HLCS: variants seen among roughly 807,000 people sequenced by gnomAD.
HLCS encodes holocarboxylase synthetase.
Under a neutral mutation model 75.0 loss-of-function variants are expected in HLCS, and 53 were observed. The ratio of observed to expected loss-of-function variants is 0.71; its 90% CI spans 0.57 to 0.89. The LOEUF (loss-of-function observed/expected upper bound fraction) is 0.89. Ranked by LOEUF, HLCS falls within the 40% of genes least tolerant of loss-of-function variation. HLCS has a pLI of 0.00. For missense variants in HLCS, 966 were observed against 1,074.0 expected (o/e 0.90, Z 1.41); for synonymous variants, 431 against 428.6 (o/e 1.01, Z -0.07).
rs1286902356 is a variant in HLCS, at chr21:36,753,994, G to A, written c.*252C>T. The stretch of plus-strand genomic sequence containing the variant: ...TAAACGTAAGTCCAAGCCACAGAGG[G>A]GAGAGCAATTTCCCACCTGTGGGAG... On this transcript the variant is annotated 3_prime_UTR_variant, in exon 11 of 11. Transcript: ENST00000674895. This position sits in a 1 kb window ranked among gnomAD's most constrained non-coding sequence, Gnocchi z 4.3. 2.5e-5 allele frequency: 14 copies of A among 562,114 alleles called. No homozygotes were observed. The Admixed American group carries it at 4.3e-4, about 17-fold the overall frequency. The allele number at this position is 562,114 out of a possible 1,614,324, so 34.8% of individuals were successfully genotyped here.
intron 5 of HLCS, among the ~76,000 whole-genome samples, chr21:36,910,540 T>C (rs2065657200): frequency 1.5e-5 from 2 of 135,814 alleles, no homozygotes; most frequent in Non-Finnish European, 3.3e-5. Flanking sequence ...GGCAAGACTC[T>C]GTATGGAAAA....
At chr21:36,762,791 A>G (rs573679265) in intron 8 of HLCS, among the ~76,000 whole-genome samples, 1 of 152,338 alleles carries the variant, frequency 6.6e-6, no homozygotes, top group Non-Finnish European at 1.5e-5. Flanking sequence ...CGCTGAAGGC[A>G]AGCTTCCCAC....
rs1366215881 is a variant in HLCS at position 36,937,314 on chromosome 21, T to TTAA, written c.571_572insTTA (p.Pro190_Lys191insIle). On this transcript the variant is annotated inframe_insertion, in exon 4 of 11. Coordinates refer to ENST00000674895, the MANE Select transcript of HLCS (RefSeq NM_001352514.2). The stretch of plus-strand genomic sequence containing the variant: ...CTTAATCTCAAGAGAAGGTTCAGGC[T>TTAA]TCGGCTCTAGGATCTGGGCTTGCTT... 6.8e-6 allele frequency: 11 copies of TTAA among 1,614,036 alleles called. No individual in the cohort carries two copies. The highest frequency in any genetic ancestry group is 1.6e-4 in the Middle Eastern group (1 of 6,084).
intron 5 of HLCS, among the ~76,000 whole-genome samples, chr21:36,906,494 T>C (rs2065461397): frequency 6.6e-6 from 1 of 152,182 alleles, no homozygotes; most frequent in South Asian, 2.1e-4. Flanking sequence ...ATGGCACCAC[T>C]GCACTCCAGT....
At chr21:36,856,677 TAGAA>T (rs1569107157) in intron 6 of HLCS, among the ~76,000 whole-genome samples, 1 of 149,804 alleles carries the variant, frequency 6.7e-6, no homozygotes, top group African/African-American at 2.5e-5. Context: ...AAAAGAAAAA[TAGAA>T]GGAAGGAAAA....
chr21:36,901,838 G>A (rs1416264711), intron 5 of HLCS, among the ~76,000 whole-genome samples: 1 of 152,180 alleles, frequency 6.6e-6, no homozygotes, highest in Non-Finnish European at 1.5e-5. Flanking sequence ...TCCAGGGCTG[G>A]GGCTTTCACA....
intron 6 of HLCS, among the ~76,000 whole-genome samples, chr21:36,865,808 T>C (rs2063535204): frequency 6.6e-6 from 1 of 152,228 alleles, no homozygotes; most frequent in African/African-American, 2.4e-5. Context: ...TAATACACAG[T>C]AAGCAGGTGG....
chr21:36,806,802 T>C (rs555719423), intron 6 of HLCS, among the ~76,000 whole-genome samples: 8 of 152,244 alleles, frequency 5.3e-5, no homozygotes, highest in African/African-American at 1.9e-4. Flanking sequence ...AAACCCACGA[T>C]TTCCGTGTGC....
intron 6 of HLCS, among the ~76,000 whole-genome samples, chr21:36,847,418 A>C (rs1366886923): frequency 2.0e-5 from 3 of 152,260 alleles, no homozygotes; most frequent in Non-Finnish European, 2.9e-5. Context: ...TGGTGCCAGC[A>C]GCATCAGTAC....
intron 6 of HLCS, among the ~76,000 whole-genome samples, chr21:36,810,426 A>C (rs2061479254): frequency 6.6e-6 from 1 of 152,090 alleles, no homozygotes. Context: ...TCCCCTCTCC[A>C]GCCCTTTTCT....
intron 7 of HLCS, among the ~76,000 whole-genome samples, chr21:36,766,927 C>G (rs969932370): frequency 1.3e-5 from 2 of 152,138 alleles, no homozygotes; most frequent in African/African-American, 4.8e-5. Context: ...AGTGACGATC[C>G]CCAAATTGGA....
rs142003546 is a variant in HLCS at position 36,914,731 on chromosome 21, G to A, written c.1620+15520C>T. On this transcript the variant is annotated intron_variant, in intron 5 of 10. Coordinates refer to ENST00000674895, the MANE Select transcript of HLCS (RefSeq NM_001352514.2). ...AGAGAAAGCCAGGGTTGGCTCTAAC[G>A]GCGAGGGCGGCTCTATGGGGCAGCT... Among the ~76,000 whole-genome samples, 45 of 152,340 alleles carry A rather than the reference G, an allele frequency of 3.0e-4. 1 individual carries two copies. The East Asian group carries it at 6.6e-3, about 22-fold the overall frequency.
At position 36,760,127 on chromosome 21, in the gene HLCS, G is replaced by A. The variant is rs1397119997; in HGVS notation, c.2122-286C>T. ...AACCCTTTCTGAAGATGCTTACCTTGTAAATGAAGTTCATTATGTCAGTAT... is the reference window on the plus strand; with the variant it reads ...AACCCTTTCTGAAGATGCTTACCTTATAAATGAAGTTCATTATGTCAGTAT... On this transcript the variant is annotated intron_variant, in intron 8 of 10. Transcript: ENST00000674895. Among the ~76,000 whole-genome samples, 4 of 152,114 alleles carry A rather than the reference G, an allele frequency of 2.6e-5. No individual in the cohort carries two copies. In the South Asian group the frequency reaches 8.3e-4, roughly 32 times the overall value.
At chr21:36,946,965 G>A (rs1343998732) in intron 2 of HLCS, among the ~76,000 whole-genome samples, 1 of 152,186 alleles carries the variant, frequency 6.6e-6, no homozygotes, top group Non-Finnish European at 1.5e-5. Flanking sequence ...TCAGGAAGAT[G>A]AGAAGATAAA....
At chr21:36,778,821 G>C (rs774130213) in intron 6 of HLCS, among the ~76,000 whole-genome samples, 7 of 152,092 alleles carry the variant, frequency 4.6e-5, no homozygotes, top group Non-Finnish European at 7.4e-5. Context: ...GCAAGTGAAT[G>C]CTCCTTCAGT....
chr21:36,768,368 G>A (rs2090117166), intron 6 of HLCS, among the ~76,000 whole-genome samples: 1 of 152,190 alleles, frequency 6.6e-6, no homozygotes, highest in African/African-American at 2.4e-5. Flanking sequence ...GAAAGACCAC[G>A]CTGAGAAGCT....
At chr21:36,958,207 C>T (rs1390946025) in intron 2 of HLCS, among the ~76,000 whole-genome samples, 1 of 149,870 alleles carries the variant, frequency 6.7e-6, no homozygotes, top group African/African-American at 2.5e-5. Context: ...CGCGCCACTG[C>T]ACTCCAGCCT....
chr21:36,948,728 CAAAAAAAAAAAA>C (rs58685577), intron 2 of HLCS, among the ~76,000 whole-genome samples: 8 of 55,862 alleles, frequency 1.4e-4, no homozygotes, highest in South Asian at 1.2e-3. Flanking sequence ...GACCCTGTCT[CAAAAAAAAAAAA>C]AAAAAAAAAA....
intron 4 of HLCS, among the ~76,000 whole-genome samples, chr21:36,934,850 G>A (rs746494539): frequency 1.3e-5 from 2 of 152,206 alleles, no homozygotes; most frequent in Admixed American, 6.5e-5. Flanking sequence ...ACACAGGCCT[G>A]TGGAGAAAAC....
Sources: gnomAD v4.1 joint callset for allele counts (sites outside exome capture counted in the v4.1 genomes callset) on GRCh38, gnomAD v4.1.1 for gene constraint, Gnocchi (gnomAD v3.1) non-coding constraint, MANE v1.5 for transcripts, NCBI Gene and HGNC (gene_info 2026-07-23, HGNC 2026-07-21) for gene names.